Variants in TRPC6 observed in about 807,000 individuals in gnomAD.
TRPC6 encodes the protein short transient receptor potential channel 6.
Under a neutral mutation model 90.7 loss-of-function variants are expected in TRPC6, and 55 were observed. That is an observed-to-expected ratio of 0.61 (90% CI 0.49 to 0.76). TRPC6 has a LOEUF of 0.76. Ranked by LOEUF, TRPC6 falls within the 30% of genes least tolerant of loss-of-function variation. TRPC6 has a pLI of 0.00. For missense variants in TRPC6, 989 were observed against 1,122.7 expected (o/e 0.88, Z 1.70); for synonymous variants, 393 against 393.0 (o/e 1.00, Z 0.00).
intron 6 of TRPC6, 34 bp downstream of exon 6, chr11:101,476,267 A>G: frequency 6.3e-7 from 1 of 1,585,806 alleles, no homozygotes; most frequent in South Asian, 1.1e-5. Flanking sequence ...AAAATTCTGC[A>G]TTTTTATTTA....
rs753489716 is a variant in TRPC6, at chr11:101,453,000, T to C, written c.2751A>G (p.Gly917=). 2 of 1,613,962 alleles carry C rather than the reference T, an allele frequency of 1.2e-6. No homozygotes were observed. The highest frequency in any genetic ancestry group is 2.2e-5 in the South Asian group (2 of 91,082). Residue 917 remains glycine, a synonymous_variant, in exon 13 of 13, where the codon GGA becomes GGG. Coordinates refer to ENST00000344327, the MANE Select transcript of TRPC6 (RefSeq NM_004621.6). ...EDLAELIREL[G]EKLSMEPNQE... Reference sequence around the variant, plus strand: ...GATTTGGTTCCATGGATAATTTCTCTCCAAGTTCTCTAATAAGTTCTGCTA... The same window carrying C: ...GATTTGGTTCCATGGATAATTTCTCCCCAAGTTCTCTAATAAGTTCTGCTA...
chr11:101,562,853 T>G (rs939945327), intron 1 of TRPC6, among the ~76,000 whole-genome samples: 1 of 152,194 alleles, frequency 6.6e-6, no homozygotes, highest in Non-Finnish European at 1.5e-5. Context: ...TGTCTGGGCT[T>G]TCACTTCCTA....
At chr11:101,527,151 AT>A (rs1221890972) in intron 1 of TRPC6, among the ~76,000 whole-genome samples, 1 of 152,058 alleles carries the variant, frequency 6.6e-6, no homozygotes, top group Non-Finnish European at 1.5e-5. Context: ...TAAAATTTCT[AT>A]TTTTTTATCA....
intron 11 of TRPC6, among the ~76,000 whole-genome samples, chr11:101,454,436 A>G (rs1441109579): frequency 1.3e-5 from 2 of 152,096 alleles, no homozygotes; most frequent in African/African-American, 4.8e-5. Flanking sequence ...ATAGACAAAA[A>G]TGAAACTTTA....
chr11:101,488,837 C>T, intron 4 of TRPC6, 100 bp downstream of exon 4: 1 of 1,342,500 alleles, frequency 7.4e-7, no homozygotes, highest in Non-Finnish European at 1.1e-6. Context: ...TACTGAAACC[C>T]AACTGTGATT....
At chr11:101,561,114 T>C (rs1410253491) in intron 1 of TRPC6, among the ~76,000 whole-genome samples, 2 of 146,400 alleles carry the variant, frequency 1.4e-5, no homozygotes, top group Non-Finnish European at 1.5e-5. Context: ...AGTTTGACAT[T>C]CATAGTGTAT....
chr11:101,544,837 C>A (rs1012741742), intron 1 of TRPC6, among the ~76,000 whole-genome samples: 10 of 151,844 alleles, frequency 6.6e-5, no homozygotes, highest in African/African-American at 2.4e-4. Flanking sequence ...ATGTAACAAA[C>A]CTGCATGTTC....
intron 1 of TRPC6, among the ~76,000 whole-genome samples, chr11:101,529,197 G>C (rs1271664117): frequency 6.6e-6 from 1 of 152,214 alleles, no homozygotes; most frequent in Non-Finnish European, 1.5e-5. Context: ...AGAAAGATCA[G>C]AAAGGATGAA....
chr11:101,565,840 G>C (rs1175230231), intron 1 of TRPC6, among the ~76,000 whole-genome samples: 2 of 151,866 alleles, frequency 1.3e-5, no homozygotes, highest in South Asian at 2.1e-4. Flanking sequence ...TGTTTCATAG[G>C]GAAACTATAT....
chr11:101,468,122 T>C (rs144562454), intron 10 of TRPC6, among the ~76,000 whole-genome samples: 185 of 152,340 alleles, frequency 1.2e-3, no homozygotes, highest in African/African-American at 4.3e-3. Context: ...TCTCAGCCCA[T>C]GCGGCCCCAT....
intron 1 of TRPC6, among the ~76,000 whole-genome samples, chr11:101,517,341 TTA>T (rs1860545766): frequency 6.6e-6 from 1 of 152,254 alleles, no homozygotes; most frequent in Admixed American, 6.5e-5. Context: ...CAAATTATTC[TTA>T]TCTTACCCTT....
intron 1 of TRPC6, among the ~76,000 whole-genome samples, chr11:101,568,539 G>A (rs1861886172): frequency 6.6e-6 from 1 of 152,072 alleles, no homozygotes; most frequent in Non-Finnish European, 1.5e-5. Context: ...CTCAAGAATA[G>A]CAACACCAAG....
At chr11:101,522,020 G>A (rs1860674548) in intron 1 of TRPC6, among the ~76,000 whole-genome samples, 1 of 152,166 alleles carries the variant, frequency 6.6e-6, no homozygotes, top group Non-Finnish European at 1.5e-5. Context: ...TTGAACTGTG[G>A]ACTTTTGAGT....
At chr11:101,549,874 A>G (rs1861412994) in intron 1 of TRPC6, among the ~76,000 whole-genome samples, 1 of 151,714 alleles carries the variant, frequency 6.6e-6, no homozygotes, top group Admixed American at 6.6e-5. Flanking sequence ...TATTTAGTCA[A>G]TGAATAGACA....
intron 10 of TRPC6, among the ~76,000 whole-genome samples, chr11:101,468,043 A>G (rs958097888): frequency 2.0e-5 from 3 of 152,234 alleles, no homozygotes; most frequent in Admixed American, 2.0e-4. Flanking sequence ...GCCAATTTGC[A>G]ATGACCCTAA....
At position 101,469,493 on chromosome 11, in the gene TRPC6, T is replaced by TTCATTTATCTTTTAAA; in HGVS notation, c.2410-8_2417dup (p.Glu806AspfsTer6). Reference sequence around the variant, plus strand: ...TTCCTAAAATTCCAAGTTTCTTTTCTTCATTTATCTTTTAAAGATAGATAG... The same window carrying TTCATTTATCTTTTAAA: ...TTCCTAAAATTCCAAGTTTCTTTTCTTCATTTATCTTTTAAATCATTTATCTTTTAAAGATAGATAG... On this transcript the variant is annotated stop_gained and frameshift_variant, in exon 10 of 13. Coordinates refer to ENST00000344327, the MANE Select transcript of TRPC6 (RefSeq NM_004621.6). LOFTEE classifies it high-confidence loss of function. 1.3e-6 allele frequency: 1 copy of TTCATTTATCTTTTAAA among 762,804 alleles called. No homozygotes were observed. The highest frequency in any genetic ancestry group is 2.5e-6 in the Non-Finnish European group (1 of 408,050). 47.3% of individuals were successfully genotyped at this position (762,804 alleles called of 1,614,324 possible).
intron 2 of TRPC6, among the ~76,000 whole-genome samples, chr11:101,500,856 G>C (rs945611175): frequency 2.0e-5 from 3 of 152,066 alleles, no homozygotes; most frequent in Admixed American, 6.6e-5. Context: ...GATGTTGTTC[G>C]CTTAGTTGAT....
chr11:101,552,412 C>T (rs1861470098), intron 1 of TRPC6, among the ~76,000 whole-genome samples: 1 of 152,100 alleles, frequency 6.6e-6, no homozygotes, highest in Non-Finnish European at 1.5e-5. Flanking sequence ...ATATTTTCAT[C>T]ACCTTCTGTC....
intron 4 of TRPC6, among the ~76,000 whole-genome samples, chr11:101,485,731 C>A (rs1022460856): frequency 2.0e-5 from 3 of 151,878 alleles, no homozygotes; most frequent in Admixed American, 6.6e-5. Flanking sequence ...TACAGTAGAG[C>A]GTAAATTAAA....
Sources: allele counts gnomAD v4.1 joint callset (sites outside exome capture counted in the v4.1 genomes callset), GRCh38; gene constraint gnomAD v4.1.1; transcripts MANE v1.5; gene names NCBI Gene and HGNC (gene_info 2026-07-23, HGNC 2026-07-21).